Variants in TRIO observed in about 807,000 individuals in gnomAD.
TRIO encodes the protein trio Rho guanine nucleotide exchange factor.
In TRIO, 58 loss-of-function variants were observed where a neutral mutation model predicts 351.9. The ratio of observed to expected loss-of-function variants is 0.16; its 90% CI spans 0.13 to 0.21. TRIO has a LOEUF of 0.21. TRIO is among the 10% of genes least tolerant of loss of function. TRIO has a pLI of 1.00. For synonymous variants in TRIO, 1,758 were observed against 1,595.7 expected, an observed-to-expected ratio of 1.10 and a Z score of -2.42; for missense variants, 3,201 against 4,027.8, an observed-to-expected ratio of 0.79 and a Z score of 5.56.
chr5:14,178,843 T>C (rs1376751436), intron 1 of TRIO, among the ~76,000 whole-genome samples: 2 of 152,178 alleles, frequency 1.3e-5, no homozygotes, highest in South Asian at 2.1e-4. Context: ...CTGTCAGTGG[T>C]GGTCTGTTTG....
intron 11 of TRIO, among the ~76,000 whole-genome samples, chr5:14,353,511 G>T (rs543779861): frequency 1.5e-4 from 23 of 152,074 alleles, no homozygotes; most frequent in African/African-American, 5.3e-4. Flanking sequence ...TGATCTGCCC[G>T]CCTCGACCTC....
chr5:14,502,666 C>A lies in TRIO; in HGVS notation c.8411+9C>A, dbSNP rs371237038. On this transcript the variant is annotated intron_variant, in intron 54 of 56. Coordinates refer to ENST00000344204, the MANE Select transcript of TRIO (RefSeq NM_007118.4). The stretch of plus-strand genomic sequence containing the variant: ...GTGGCTGAGCTTGGCAGGTATGATG[C>A]ACAACCCAGAACGCCTTCCGAAAGA... 3 of 1,613,862 alleles carry A rather than the reference C, an allele frequency of 1.9e-6. No homozygotes were observed. The highest frequency in any genetic ancestry group is 4.5e-5 in the East Asian group (2 of 44,876).
At chr5:14,268,852 G>A (rs1247028005) in intron 1 of TRIO, among the ~76,000 whole-genome samples, 1 of 152,152 alleles carries the variant, frequency 6.6e-6, no homozygotes, top group Non-Finnish European at 1.5e-5. Context: ...CTGTGTCCAC[G>A]GCAGCCACGG....
chr5:14,226,289 G>T (rs1354257114), intron 1 of TRIO, among the ~76,000 whole-genome samples: 1 of 146,502 alleles, frequency 6.8e-6, no homozygotes, highest in Admixed American at 6.8e-5. Context: ...CAGGTTAGAA[G>T]GAGGGAACTT....
intron 1 of TRIO, among the ~76,000 whole-genome samples, chr5:14,248,254 G>A (rs1364092114): frequency 6.6e-6 from 1 of 152,122 alleles, no homozygotes; most frequent in African/African-American, 2.4e-5. Context: ...ATTCTTTAAT[G>A]TTATTACCTT....
rs556214324 is a variant in TRIO at position 14,244,392 on chromosome 5, A to G, written c.158-26433A>G. Among the ~76,000 whole-genome samples the G allele has an allele frequency of 3.9e-5, 6 of 152,332 alleles. No homozygotes were observed. The South Asian group carries it at 1.0e-3, about 26-fold the overall frequency. ...CATGGAAGAGGCTATCTTTGAAGCTATAGAGAATGTAGAAATCAGATGCTT... is the reference window on the plus strand; with the variant it reads ...CATGGAAGAGGCTATCTTTGAAGCTGTAGAGAATGTAGAAATCAGATGCTT... On this transcript the variant is annotated intron_variant, in intron 1 of 56. Transcript: ENST00000344204.
At chr5:14,486,225 G>C (rs890425083) in intron 47 of TRIO, among the ~76,000 whole-genome samples, 3 of 152,314 alleles carry the variant, frequency 2.0e-5, no homozygotes, top group Admixed American at 1.3e-4. Flanking sequence ...TGGGTTCTTT[G>C]CTTCATGTTC....
intron 36 of TRIO, among the ~76,000 whole-genome samples, chr5:14,463,672 T>C (rs1422989780): frequency 6.7e-6 from 1 of 148,468 alleles, no homozygotes; most frequent in Non-Finnish European, 1.5e-5. Flanking sequence ...TTACTGGTGA[T>C]GCTTTTTTTT....
intron 1 of TRIO, among the ~76,000 whole-genome samples, chr5:14,227,739 C>T (rs1793139225): frequency 6.6e-6 from 1 of 152,134 alleles, no homozygotes; most frequent in South Asian, 2.1e-4. Context: ...TTTAAGTAAT[C>T]TGATACGGAC....
At chr5:14,495,015 A>G (rs1209186555) in intron 49 of TRIO, among the ~76,000 whole-genome samples, 2 of 152,274 alleles carry the variant, frequency 1.3e-5, no homozygotes, top group African/African-American at 2.4e-5. Context: ...AGGATTCACC[A>G]TTCCAGATGT....
intron 11 of TRIO, among the ~76,000 whole-genome samples, chr5:14,345,559 T>G (rs1742346056): frequency 6.6e-6 from 1 of 152,226 alleles, no homozygotes; most frequent in African/African-American, 2.4e-5. Context: ...TAGGCGTACA[T>G]GAATAGCCCT....
At chr5:14,407,884 G>T (rs1199868206) in intron 33 of TRIO, among the ~76,000 whole-genome samples, 1 of 152,162 alleles carries the variant, frequency 6.6e-6, no homozygotes, top group Non-Finnish European at 1.5e-5. Context: ...AGACTAGTGT[G>T]TTCTGTTACA....
chr5:14,297,952 G>A (rs1278407098), intron 7 of TRIO, among the ~76,000 whole-genome samples: 3 of 152,100 alleles, frequency 2.0e-5, no homozygotes, highest in Non-Finnish European at 2.9e-5. Context: ...CAGAGGCCCC[G>A]CCCCCAGCAC....
chr5:14,182,559 AAT>A (rs1491099200), intron 1 of TRIO, among the ~76,000 whole-genome samples: 2 of 152,336 alleles, frequency 1.3e-5, no homozygotes, highest in Non-Finnish European at 2.9e-5. Context: ...TCTATGCCTT[AAT>A]TTTGTTGATA....
At chr5:14,327,088 T>C (rs1740453819) in intron 9 of TRIO, among the ~76,000 whole-genome samples, 1 of 152,228 alleles carries the variant, frequency 6.6e-6, no homozygotes, top group Non-Finnish European at 1.5e-5. Flanking sequence ...TCCTGAGTGG[T>C]TGGTTTATAG....
intron 34 of TRIO, among the ~76,000 whole-genome samples, chr5:14,451,070 A>G (rs1032617500): frequency 2.6e-5 from 4 of 152,238 alleles, no homozygotes; most frequent in Non-Finnish European, 5.9e-5. Context: ...AAATACTTGT[A>G]TATTCCGAAC....
chr5:14,183,330 C>T (rs770231776), intron 1 of TRIO, among the ~76,000 whole-genome samples: 1 of 152,070 alleles, frequency 6.6e-6, no homozygotes, highest in Non-Finnish European at 1.5e-5. Context: ...GTGATGTAAG[C>T]AGGGGCTTTT....
intron 17 of TRIO, 27 bp downstream of exon 17, chr5:14,368,926 A>G: frequency 6.2e-7 from 1 of 1,600,804 alleles, no homozygotes; most frequent in Non-Finnish European, 8.5e-7. Context: ...CCTTCCTTGA[A>G]CTCCACTGAT....
At chr5:14,398,607 G>C (rs1308841643) in intron 29 of TRIO, among the ~76,000 whole-genome samples, 2 of 152,138 alleles carry the variant, frequency 1.3e-5, no homozygotes, top group Non-Finnish European at 2.9e-5. Flanking sequence ...CTGTTGCAGA[G>C]GCCCACCAGA....
Sources: gnomAD v4.1 joint callset for allele counts (sites outside exome capture counted in the v4.1 genomes callset) on GRCh38, gnomAD v4.1.1 for gene constraint, MANE v1.5 for transcripts, NCBI Gene and HGNC (gene_info 2026-07-23, HGNC 2026-07-21) for gene names.